DLGAP2: variants seen among roughly 807,000 people sequenced by gnomAD.
DLGAP2 encodes the protein DLG associated protein 2.
In DLGAP2, 26 loss-of-function variants were observed where a neutral mutation model predicts 100.3. The observed-to-expected ratio is 0.26, with a 90% CI of 0.19 to 0.36. The LOEUF (loss-of-function observed/expected upper bound fraction) is 0.36. Among genes scored for constraint, DLGAP2 ranks in the 10% least tolerant of loss-of-function variants. DLGAP2 has a pLI of 1.00. For synonymous variants in DLGAP2, 886 were observed against 630.1 expected (o/e 1.41, Z -6.08); for missense variants, 1,858 against 1,453.2 (o/e 1.28, Z -4.53).
At chr8:824,476 C>G (rs1458452208) in intron 1 of DLGAP2, among the ~76,000 whole-genome samples, 1 of 152,148 alleles carries the variant, frequency 6.6e-6, no homozygotes, top group Non-Finnish European at 1.5e-5. Context: ...CTTACTTTTC[C>G]TATATAAATA....
chr8:1,634,576 A>T (rs945924882), intron 8 of DLGAP2, among the ~76,000 whole-genome samples: 10 of 152,244 alleles, frequency 6.6e-5, no homozygotes, highest in African/African-American at 2.4e-4. Context: ...AACATTGAAC[A>T]AATTAGAATC....
chr8:1,128,039 C>T (rs1024419277), intron 2 of DLGAP2, among the ~76,000 whole-genome samples: 1 of 152,224 alleles, frequency 6.6e-6, no homozygotes, highest in African/African-American at 2.4e-5. Context: ...AAAAGAGCAG[C>T]CCCACATTTC....
At chr8:1,301,931 G>A (rs751131167) in intron 3 of DLGAP2, 25 of 152,388 alleles carry the variant, frequency 1.6e-4, no homozygotes, top group Non-Finnish European at 2.5e-4. Flanking sequence ...GGGGAGGAAG[G>A]ACAGAAGTTC....
chr8:1,083,423 C>G lies in DLGAP2; in HGVS notation c.74-175428C>G, dbSNP rs563044786. On this transcript the variant is annotated intron_variant, in intron 2 of 14. Coordinates refer to ENST00000637795, the MANE Select transcript of DLGAP2 (RefSeq NM_001346810.2). ...TCTTGATTTTAGGAAGTAACCAGAT[C>G]TTACGGGGGGTTTGAAGTCATTTTA... 5.9e-5 allele frequency among the ~76,000 whole-genome samples: 9 copies of G among 152,304 alleles called. No homozygotes were observed. The East Asian group carries it at 1.7e-3, about 29-fold the overall frequency.
At chr8:1,162,101 G>A (rs909919682) in intron 2 of DLGAP2, among the ~76,000 whole-genome samples, 15 of 152,200 alleles carry the variant, frequency 9.9e-5, no homozygotes, top group South Asian at 2.1e-4. Context: ...ATTAATGCCC[G>A]TAAGCCCGTG....
At chr8:848,946 C>T (rs555190605) in intron 1 of DLGAP2, among the ~76,000 whole-genome samples, 40 of 150,236 alleles carry the variant, frequency 2.7e-4, no homozygotes, top group Non-Finnish European at 4.7e-4. Flanking sequence ...AGCATAGGAA[C>T]GCGCGGTGCC....
At chr8:901,684 G>A (rs1408004053) in intron 1 of DLGAP2, among the ~76,000 whole-genome samples, 2 of 152,210 alleles carry the variant, frequency 1.3e-5, no homozygotes, top group African/African-American at 4.8e-5. Context: ...TGTTTGATCA[G>A]TGGAGAGGGA....
intron 2 of DLGAP2, among the ~76,000 whole-genome samples, chr8:1,145,536 C>T (rs1013312483): frequency 8.5e-5 from 13 of 152,200 alleles, no homozygotes; most frequent in African/African-American, 2.4e-4. Context: ...TTCTCTCCTC[C>T]TGTTTTCTAG....
At chr8:1,479,430 A>G (rs559629741) in intron 3 of DLGAP2, among the ~76,000 whole-genome samples, 1 of 152,330 alleles carries the variant, frequency 6.6e-6, no homozygotes, top group South Asian at 2.1e-4. Context: ...TTTACTGCCA[A>G]GGTGAGAAAA....
intron 3 of DLGAP2, among the ~76,000 whole-genome samples, chr8:1,441,902 A>G (rs1261647811): frequency 1.3e-5 from 2 of 152,046 alleles, no homozygotes; most frequent in Non-Finnish European, 2.9e-5. Flanking sequence ...AATGTGGTCC[A>G]TATACACTAT....
intron 3 of DLGAP2, among the ~76,000 whole-genome samples, chr8:1,350,726 TG>T (rs1400914334): frequency 1.3e-5 from 1 of 74,764 alleles, no homozygotes; most frequent in Non-Finnish European, 2.6e-5. Context: ...GGAAAGGCCG[TG>T]CGGGTCCTGA....
At chr8:766,476 C>G (rs1413656172) in intron 1 of DLGAP2, among the ~76,000 whole-genome samples, 1 of 152,076 alleles carries the variant, frequency 6.6e-6, no homozygotes, top group African/African-American at 2.4e-5. Flanking sequence ...CTGGGGTGAC[C>G]CAAATTAGTG....
At chr8:1,604,811 A>G (rs1037041506) in intron 6 of DLGAP2, 7 of 152,210 alleles carry the variant, frequency 4.6e-5, no homozygotes, top group Non-Finnish European at 8.8e-5. Flanking sequence ...TTGTTAAAAA[A>G]AAAACTCAAA....
chr8:1,269,483 A>T (rs117371153), intron 3 of DLGAP2, among the ~76,000 whole-genome samples: 2 of 152,260 alleles, frequency 1.3e-5, no homozygotes, highest in East Asian at 1.9e-4. Context: ...TGAGTTTTAG[A>T]TCTTCTTTGT....
intron 3 of DLGAP2, among the ~76,000 whole-genome samples, chr8:1,383,956 G>C (rs929285613): frequency 8.5e-5 from 13 of 152,176 alleles, no homozygotes; most frequent in African/African-American, 3.1e-4. Flanking sequence ...CATTCATGAA[G>C]GAGACCCACA....
intron 4 of DLGAP2, among the ~76,000 whole-genome samples, chr8:1,535,019 T>C (rs1005104393): frequency 6.6e-6 from 1 of 152,248 alleles, no homozygotes; most frequent in African/African-American, 2.4e-5. Context: ...GTCCCAAGCG[T>C]TCATTTCATT....
At chr8:1,382,328 T>A (rs1234188786) in intron 3 of DLGAP2, among the ~76,000 whole-genome samples, 1 of 152,120 alleles carries the variant, frequency 6.6e-6, no homozygotes, top group African/African-American at 2.4e-5. Context: ...AGAAGAGGGG[T>A]TGTTCCCACA....
At chr8:1,235,341 CTA>C (rs1798627282) in intron 2 of DLGAP2, among the ~76,000 whole-genome samples, 1 of 150,814 alleles carries the variant, frequency 6.6e-6, no homozygotes, top group African/African-American at 2.4e-5. Flanking sequence ...GGCGCCGTGT[CTA>C]GTTATCTCAC....
rs570738293 is a variant in DLGAP2 at position 1,112,842 on chromosome 8, A to G, written c.74-146009A>G. Among the ~76,000 whole-genome samples, 402 of 152,314 alleles carry G rather than the reference A, an allele frequency of 2.6e-3. 2 individuals are homozygous for G. The highest frequency in any genetic ancestry group is 5.0e-3 in the Non-Finnish European group (341 of 68,028). On this transcript the variant is annotated intron_variant, in intron 2 of 14. Transcript: ENST00000637795. The stretch of plus-strand genomic sequence containing the variant: ...CAGGGTTTTTATAATTTTGGGTTTT[A>G]CATTTAAGTCTTTAATCCATCTAGA...
Sources: allele counts gnomAD v4.1 joint callset (sites outside exome capture counted in the v4.1 genomes callset), GRCh38; gene constraint gnomAD v4.1.1; transcripts MANE v1.5; gene names NCBI Gene and HGNC (gene_info 2026-07-23, HGNC 2026-07-21).